The following NFAT5 variants were observed in gnomAD, a reference collection of about 807,000 sequenced individuals.
NFAT5 encodes nuclear factor of activated T cells 5, also known as nuclear factor of activated T-cells 5.
Under a neutral mutation model 166.5 loss-of-function variants are expected in NFAT5, and 31 were observed. The ratio of observed to expected loss-of-function variants is 0.19; its 90% CI spans 0.14 to 0.25. The LOEUF (loss-of-function observed/expected upper bound fraction) is 0.25. Among genes scored for constraint, NFAT5 ranks in the 10% least tolerant of loss-of-function variants. The pLI is 1.00. For synonymous variants in NFAT5, 612 were observed against 639.7 expected (o/e 0.96, Z 0.65); for missense variants, 1,449 against 1,821.8 (o/e 0.80, Z 3.72).
rs945918292 is a variant in NFAT5 at position 69,588,980 on chromosome 16, C to CTTTTTTTTTTTTTT, written c.127+20450_127+20463dup. Among the ~76,000 whole-genome samples, 41 of 34,360 alleles carry CTTTTTTTTTTTTTT rather than the reference C, an allele frequency of 1.2e-3. 6 individuals are homozygous for CTTTTTTTTTTTTTT. The highest frequency in any genetic ancestry group is 1.8e-3 in the Non-Finnish European group (29 of 15,878). The allele number at this position is 34,360 out of a possible 152,430, so 22.5% of individuals were successfully genotyped here. ...GACCCTCCCTCCTCTTTTCCTACTT[C>CTTTTTTTTTTTTTT]TTTTTTTTTTTTTTTTTTTTTTTTT... On this transcript the variant is annotated intron_variant, in intron 2 of 14. Coordinates refer to ENST00000349945, the MANE Select transcript of NFAT5 (RefSeq NM_138713.4).
At chr16:69,629,033 C>T (rs2034591190) in intron 3 of NFAT5, among the ~76,000 whole-genome samples, 1 of 152,120 alleles carries the variant, frequency 6.6e-6, no homozygotes, top group Admixed American at 6.5e-5. Flanking sequence ...AAGATCGTGC[C>T]ATTGCACTCC....
intron 1 of NFAT5, among the ~76,000 whole-genome samples, chr16:69,567,949 C>T (rs748650313): frequency 9.9e-5 from 15 of 152,142 alleles, no homozygotes; most frequent in Non-Finnish European, 2.9e-5. Flanking sequence ...AGCTTCGAGA[C>T]CAATGTAGAG....
intron 2 of NFAT5, among the ~76,000 whole-genome samples, chr16:69,590,289 T>G (rs2032380701): frequency 6.6e-6 from 1 of 152,228 alleles, no homozygotes; most frequent in South Asian, 2.1e-4. Flanking sequence ...AATAGATTTG[T>G]AAATTGACAA....
At chr16:69,576,911 C>A (rs531671610) in intron 2 of NFAT5, among the ~76,000 whole-genome samples, 1 of 152,190 alleles carries the variant, frequency 6.6e-6, no homozygotes, top group Non-Finnish European at 1.5e-5. Context: ...TGCCGTGGGG[C>A]TCTTGATTTC....
At chr16:69,568,927 T>G (rs1325717572) in intron 2 of NFAT5, among the ~76,000 whole-genome samples, 1 of 152,232 alleles carries the variant, frequency 6.6e-6, no homozygotes, top group Non-Finnish European at 1.5e-5. Context: ...AAATTCAGAA[T>G]TTAGAACATT....
Position 69,566,473 on chromosome 16 carries a change from G to C in NFAT5, c.73+99G>C, listed in dbSNP as rs2016043937. On this transcript the variant is annotated intron_variant, in intron 1 of 14. Coordinates refer to ENST00000349945, the MANE Select transcript of NFAT5 (RefSeq NM_138713.4). The surrounding 1 kb of genome is among the most constrained non-coding windows in gnomAD (Gnocchi z 5.7). ...GAGGGGTCCCCGTCCCGCCGGGGGC[G>C]GCTGAGCCGCGACCCCCATGGCTTC... 5.7e-6 allele frequency: 6 copies of C among 1,058,756 alleles called. No individual in the cohort carries two copies. Among genetic ancestry groups the C allele is most frequent in the Non-Finnish European group, 8.5e-6 (6 of 709,036 alleles). 65.6% of individuals were successfully genotyped at this position (1,058,756 alleles called of 1,614,324 possible). A position where few individuals can be genotyped will look rare whatever the true frequency, so the allele number is the denominator to read the frequency against.
chr16:69,655,992 A>G (rs1360273129), intron 6 of NFAT5, among the ~76,000 whole-genome samples, 193 bp downstream of exon 6: 1 of 152,170 alleles, frequency 6.6e-6, no homozygotes, highest in Non-Finnish European at 1.5e-5. Flanking sequence ...AAGAATTCCC[A>G]TGGTTGGGCC....
chr16:69,643,015 C>T (rs944610900), intron 3 of NFAT5, among the ~76,000 whole-genome samples: 7 of 151,668 alleles, frequency 4.6e-5, no homozygotes, highest in African/African-American at 1.5e-4. Context: ...GTCAGGAGTT[C>T]GAGACCACCC....
At chr16:69,646,927 G>C (rs1231509829) in intron 3 of NFAT5, 101 bp from the exon 4 acceptor site, 2 of 986,474 alleles carry the variant, frequency 2.0e-6, no homozygotes. Context: ...ATTCATTTTG[G>C]GGAAAAACAA....
At chr16:69,629,068 C>T (rs1248074173) in intron 3 of NFAT5, among the ~76,000 whole-genome samples, 1 of 152,064 alleles carries the variant, frequency 6.6e-6, no homozygotes, top group Non-Finnish European at 1.5e-5. Context: ...GAGTGAAACT[C>T]CGTCTCAAAA....
rs56393495 is a variant in NFAT5, at chr16:69,647,317, G to A, written c.543G>A (p.Gly181=). 413 of 1,614,218 alleles carry A rather than the reference G, an allele frequency of 2.6e-4. 2 individuals are homozygous for A. The East Asian group carries it at 8.7e-3, about 34-fold the overall frequency. Residue 181 remains glycine (G), a synonymous_variant, in exon 4 of 15, where the codon GGG becomes GGA. Transcript: ENST00000349945. The surrounding 1 kb of genome is among the most constrained non-coding windows in gnomAD (Gnocchi z 4.8). ...GTCGGATGTCCTGCCAGGATGAGGGGTGTGGATTGGAATCTGAGCAGAGCT... is the reference window on the plus strand; with the variant it reads ...GTCGGATGTCCTGCCAGGATGAGGGATGTGGATTGGAATCTGAGCAGAGCT... ...DNSRMSCQDE[G]CGLESEQSCS...
intron 6 of NFAT5, among the ~76,000 whole-genome samples, chr16:69,657,812 G>A (rs1259906392): frequency 2.7e-5 from 4 of 149,694 alleles, no homozygotes; most frequent in Admixed American, 2.0e-4. Context: ...TAGGCCGGGC[G>A]CAGTGGCTCA....
At chr16:69,671,738 G>A (rs546642082) in intron 9 of NFAT5, among the ~76,000 whole-genome samples, 1 of 152,294 alleles carries the variant, frequency 6.6e-6, no homozygotes, top group South Asian at 2.1e-4. Flanking sequence ...CATAACACAA[G>A]GTCTCGGAGT....
Position 69,695,253 on chromosome 16 carries a change from A to G in NFAT5, c.4532A>G (p.Gln1511Arg), listed in dbSNP as rs1567618599. 1 of 1,614,168 alleles carries G rather than the reference A, an allele frequency of 6.2e-7. No homozygotes were observed. Among genetic ancestry groups the G allele is most frequent in the African/African-American group, 1.3e-5 (1 of 75,036 alleles). ...GQPPVTTLLS[Q>R]QMPENSPLAS... ...CCACCTGTGACAACACTTCTTTCTCAGCAAATGCCAGAGAATTCTCCACTG... is the reference window on the plus strand; with the variant it reads ...CCACCTGTGACAACACTTCTTTCTCGGCAAATGCCAGAGAATTCTCCACTG... Residue 1511 changes from glutamine (Q) to arginine (R), a missense_variant, in exon 14 of 15, where the codon CAG (glutamine) becomes CGG (arginine). Gln to Arg is a conservative substitution (Grantham distance 43, BLOSUM62 1). Around this residue, in one of 7 missense-constraint regions of NFAT5, gnomAD observed 891 missense variants for 993.0 expected, o/e 0.90. Coordinates refer to ENST00000349945, the MANE Select transcript of NFAT5 (RefSeq NM_138713.4).
chr16:69,645,503 T>C (rs1242000509), intron 3 of NFAT5, among the ~76,000 whole-genome samples: 2 of 152,212 alleles, frequency 1.3e-5, no homozygotes, highest in Non-Finnish European at 2.9e-5. Flanking sequence ...TCTGGGTGGA[T>C]ATAGTTCATT....
At chr16:69,650,823 G>A (rs889617340) in intron 4 of NFAT5, among the ~76,000 whole-genome samples, 1 of 152,010 alleles carries the variant, frequency 6.6e-6, no homozygotes, top group Non-Finnish European at 1.5e-5. Flanking sequence ...ATATTTGGGG[G>A]ATATTTCTAC....
intron 2 of NFAT5, among the ~76,000 whole-genome samples, chr16:69,603,897 G>C (rs772021178): frequency 1.3e-5 from 2 of 152,118 alleles, no homozygotes; most frequent in Non-Finnish European, 2.9e-5. Context: ...ACATGCAGCA[G>C]CTTTTGATGG....
At chr16:69,608,920 G>A (rs1041878817) in intron 2 of NFAT5, among the ~76,000 whole-genome samples, 2 of 151,998 alleles carry the variant, frequency 1.3e-5, no homozygotes, top group African/African-American at 4.8e-5. Context: ...AGGAGATCGA[G>A]ACCATCCTGG....
In NFAT5 at chr16:69,647,643, A is replaced by C. The variant is rs778080949; in HGVS notation, c.812+57A>C. The C allele has an allele frequency of 2.2e-4, 326 of 1,455,084 alleles. 1 individual carries two copies. Among genetic ancestry groups the C allele is most frequent in the Middle Eastern group, 5.5e-4 (3 of 5,474 alleles). 90.1% of individuals were successfully genotyped at this position (1,455,084 alleles called of 1,614,324 possible). On this transcript the variant is annotated intron_variant, in intron 4 of 14. Coordinates refer to ENST00000349945, the MANE Select transcript of NFAT5 (RefSeq NM_138713.4). The surrounding 1 kb of genome is among the most constrained non-coding windows in gnomAD (Gnocchi z 4.8). ...TCATTATGCAAAACAAACAAACAAA[A>C]AAAATTCCCAATTTTTCCTAATTGC...
Sources: gnomAD v4.1 joint callset for allele counts (sites outside exome capture counted in the v4.1 genomes callset) on GRCh38, gnomAD v4.1.1 for gene constraint, gnomAD v4.1.1 regional missense constraint, Gnocchi (gnomAD v3.1) non-coding constraint, MANE v1.5 for transcripts, NCBI Gene and HGNC (gene_info 2026-07-23, HGNC 2026-07-21) for gene names.